The following RIF1 variants were observed in gnomAD, a reference collection of about 807,000 sequenced individuals.
The protein encoded by RIF1 is telomere-associated protein RIF1.
In RIF1, 45 loss-of-function variants were observed where a neutral mutation model predicts 247.1. That is an observed-to-expected ratio of 0.18 (90% CI 0.14 to 0.23). The LOEUF is 0.23. Among genes scored for constraint, RIF1 ranks in the 10% least tolerant of loss-of-function variants. The probability of loss-of-function intolerance (pLI) is 1.00; values close to 1 mark genes in which losing one functional copy is unlikely to be tolerated. For synonymous variants in RIF1, 1,087 were observed against 978.8 expected (o/e 1.11, Z -2.06); for missense variants, 2,967 against 2,862.5 (o/e 1.04, Z -0.83).
chr2:151,503,957 T>A (rs531998257), intron 12 of RIF1, among the ~76,000 whole-genome samples: 1 of 152,302 alleles, frequency 6.6e-6, no homozygotes, highest in East Asian at 1.9e-4. Context: ...ATCAGTTTAT[T>A]TTTCAGGAAG....
intron 6 of RIF1, among the ~76,000 whole-genome samples, chr2:151,418,259 T>C (rs984024861): frequency 7.9e-5 from 12 of 152,158 alleles, no homozygotes; most frequent in African/African-American, 1.2e-4. Context: ...GGCTGGAGTG[T>C]AGTGGTGTGA....
intron 13 of RIF1, chr2:151,506,422 G>A (rs950149371): frequency 1.7e-6 from 1 of 604,388 alleles, no homozygotes. Context: ...CAGTATCAGT[G>A]ACTCAGACCA....
At chr2:151,534,210 A>G in the RIF1 span, 1 of 1,611,354 alleles carries the variant, frequency 6.2e-7, no homozygotes, top group East Asian at 2.2e-5. Flanking sequence ...GCCCCATCAC[A>G]GTACCTGACT....
chr2:151,473,609 T>A (rs577902569), intron 34 of RIF1, among the ~76,000 whole-genome samples: 1 of 152,122 alleles, frequency 6.6e-6, no homozygotes, highest in Non-Finnish European at 1.5e-5. Context: ...TTTAAAAAAA[T>A]TCTATATTTT....
intron 9 of RIF1, among the ~76,000 whole-genome samples, chr2:151,432,442 A>G (rs1024239558): frequency 7.2e-5 from 11 of 152,206 alleles, no homozygotes; most frequent in African/African-American, 2.7e-4. Context: ...TTTTAACAAT[A>G]TGATTATTGT....
At chr2:151,443,357 T>G (rs750289312) in intron 17 of RIF1, 28 bp downstream of exon 17, 33 of 1,473,190 alleles carry the variant, frequency 2.2e-5, no homozygotes, top group Non-Finnish European at 3.0e-5. Context: ...CTTGAAACTT[T>G]GTCTTGGAAA....
At position 151,463,318 on chromosome 2, in the gene RIF1, G is replaced by T; in HGVS notation, c.3798G>T (p.Lys1266Asn). Residue 1266 changes from lysine (K) to asparagine (N), a missense_variant, in exon 30 of 36, where the codon AAG becomes AAT. Physicochemically the swap from Lys to Asn is moderately conservative, Grantham distance 94. Around this residue, in one of 7 missense-constraint regions of RIF1, gnomAD observed 2,028 missense variants for 1,825.6 expected, o/e 1.11. Coordinates refer to ENST00000444746, the MANE Select transcript of RIF1 (RefSeq NM_018151.5). ...AAACAGATTTTCTACCAAAAGCAAA[G>T]CAAAGAGAAGGGACTTTTTCAAAAT... ...MIKTDFLPKA[K>N]QREGTFSKSD... 6.2e-7 allele frequency: 1 copy of T among 1,613,412 alleles called. No individual in the cohort carries two copies. Among genetic ancestry groups the T allele is most frequent in the South Asian group, 1.1e-5 (1 of 90,922 alleles).
intron 12 of RIF1, chr2:151,506,036 G>A (rs2068620894): frequency 8.7e-6 from 7 of 806,032 alleles, no homozygotes; most frequent in South Asian, 1.4e-5. Flanking sequence ...GTGTGGTGGT[G>A]GTACACAGGC....
chr2:151,438,626 C>T (rs527720093), intron 13 of RIF1, 58 bp from the exon 14 acceptor site: 23 of 1,034,512 alleles, frequency 2.2e-5, no homozygotes, highest in South Asian at 2.2e-4. Flanking sequence ...GAGTGTTAGT[C>T]ATAGTACGTA....
downstream of RIF1, among the ~76,000 whole-genome samples, chr2:151,483,924 A>C (rs1048763268): frequency 1.3e-5 from 2 of 152,170 alleles, no homozygotes; most frequent in Non-Finnish European, 2.9e-5. Flanking sequence ...TGTGTGGAAA[A>C]ATTGTCTTCC....
At chr2:151,518,999 T>C in the RIF1 span, 1 of 1,613,662 alleles carries the variant, frequency 6.2e-7, no homozygotes. Flanking sequence ...CAGGACATGA[T>C]TCATGATCAG....
In RIF1 at chr2:151,463,680, A is replaced by C; in HGVS notation, c.4160A>C (p.Asn1387Thr). Residue 1387 changes from asparagine to threonine, a missense_variant, in exon 30 of 36, where the codon AAT (asparagine) becomes ACT (threonine). By Grantham distance (65) the Asn-to-Thr change is moderately conservative. Coordinates refer to ENST00000444746, the MANE Select transcript of RIF1 (RefSeq NM_018151.5). ...GAAATTAATTTGGAATCCAAAGAGA[A>C]TACACCCCCAGTAGTAATATCAGCA... ...NVEINLESKE[N>T]TPPVVISADQ... The C allele has an allele frequency of 6.2e-7, 1 of 1,614,022 alleles. No individual in the cohort carries two copies. The highest frequency in any genetic ancestry group is 8.5e-7 in the Non-Finnish European group (1 of 1,179,934).
rs78166003 is a variant in RIF1, at chr2:151,481,228, A to G, written c.*6157A>G. On this transcript the variant is annotated 3_prime_UTR_variant, in exon 36 of 36. Transcript: ENST00000444746. ...TTAGTCAATTTAGTTATTTGCTTCT[A>G]GCTGGCAGAATGTGGTCTTGATTAC... is the stretch of plus-strand genomic sequence containing the variant. The G allele has an allele frequency of 6.6e-6, 1 of 152,296 alleles. No individual in the cohort carries two copies. Among genetic ancestry groups the G allele is most frequent in the African/African-American group, 2.4e-5 (1 of 41,560 alleles). The allele number at this position is 152,296 out of a possible 1,614,324, so 9.4% of individuals were successfully genotyped here.
downstream of RIF1, chr2:151,508,237 T>C: frequency 1.7e-6 from 1 of 577,030 alleles, no homozygotes; most frequent in Non-Finnish European, 3.0e-6. Flanking sequence ...TTCTTAACTG[T>C]CCAAGGATGT....
At chr2:151,507,702 C>A in intron 13 of RIF1, 1 of 305,718 alleles carries the variant, frequency 3.3e-6, no homozygotes, top group Non-Finnish European at 6.1e-6. Flanking sequence ...TTGTGTGTCT[C>A]TCTTGTTAAT....
intron 3 of RIF1, among the ~76,000 whole-genome samples, chr2:151,412,443 C>T (rs982315308): frequency 3.9e-5 from 6 of 152,096 alleles, no homozygotes; most frequent in Non-Finnish European, 8.8e-5. Context: ...ACCTCAGCCT[C>T]CTTAGTAGCT....
chr2:151,496,801 A>G (rs1377124813), intron 10 of RIF1: 5 of 1,131,624 alleles, frequency 4.4e-6, no homozygotes, highest in Non-Finnish European at 1.2e-6. Flanking sequence ...GAAGTAGCCC[A>G]AAGGAAAAAA....
At position 151,497,625 on chromosome 2, in the gene RIF1, C is replaced by T. The variant is rs1366853918; in HGVS notation, c.*514-1720C>T. 6.4e-7 allele frequency: 1 copy of T among 1,568,862 alleles called. No homozygotes were observed. The highest frequency in any genetic ancestry group is 1.4e-5 in the African/African-American group (1 of 73,988). Reference sequence around the variant, plus strand: ...GTTTTTTTCTTTTCTTGCCAAAGTACCGAGCTAATATTTTCTTGATTGTGT... The same window carrying T: ...GTTTTTTTCTTTTCTTGCCAAAGTATCGAGCTAATATTTTCTTGATTGTGT... On this transcript the variant is annotated intron_variant and NMD_transcript_variant, in intron 10 of 13. Transcript: ENST00000454583.
intron 29 of RIF1, 105 bp downstream of exon 29, chr2:151,462,571 AATTTATTGTAG>A (rs953054449): frequency 6.8e-6 from 5 of 731,998 alleles, no homozygotes; most frequent in African/African-American, 1.8e-5. Context: ...TTAATTTTAA[AATTTATTGTAG>A]ATTTATTGTA....
Sources: gnomAD v4.1 joint callset for allele counts (sites outside exome capture counted in the v4.1 genomes callset) on GRCh38, gnomAD v4.1.1 for gene constraint, gnomAD v4.1.1 regional missense constraint, MANE v1.5 for transcripts, NCBI Gene and HGNC (gene_info 2026-07-23, HGNC 2026-07-21) for gene names.